NOL10: variants seen among roughly 807,000 people sequenced by gnomAD.
The protein encoded by NOL10 is nucleolar protein 10.
A neutral mutation model predicts 103.5 loss-of-function variants in NOL10; 58 were observed. That is an observed-to-expected ratio of 0.56 (90% CI 0.45 to 0.70). The LOEUF is 0.70. NOL10 is among the 30% of genes least tolerant of loss of function. NOL10 has a pLI of 0.00. For synonymous variants in NOL10, 287 were observed against 282.5 expected (o/e 1.02, Z -0.16); for missense variants, 763 against 807.3 (o/e 0.95, Z 0.67).
rs1558270567 is a variant in NOL10, at chr2:10,587,184, T to TATATATACAC, written c.1844+1849_1844+1858dup. Reference sequence around the variant, plus strand: ...ACATATATACACATATATATACACATATATATACACATATATATACACATA... The same window carrying TATATATACAC: ...ACATATATACACATATATATACACATATATATACACATATATACACATATATATACACATA... On this transcript the variant is annotated intron_variant, in intron 19 of 20. Coordinates refer to ENST00000381685, the MANE Select transcript of NOL10 (RefSeq NM_024894.4). Among the ~76,000 whole-genome samples, 7 of 47,360 alleles carry TATATATACAC rather than the reference T, an allele frequency of 1.5e-4. 2 individuals are homozygous for TATATATACAC. The highest frequency in any genetic ancestry group is 1.0e-3 in the East Asian group (2 of 1,968). The allele number at this position is 47,360 out of a possible 152,430, so 31.1% of individuals were successfully genotyped here.
At chr2:10,588,986 G>A in intron 19 of NOL10, 57 bp downstream of exon 19, 1 of 1,592,912 alleles carries the variant, frequency 6.3e-7, no homozygotes. Flanking sequence ...ATGTGCCAGA[G>A]AGGAAAAGCA....
At chr2:10,625,470 A>G (rs143988118) in intron 13 of NOL10, among the ~76,000 whole-genome samples, 1 of 152,366 alleles carries the variant, frequency 6.6e-6, no homozygotes, top group African/African-American at 2.4e-5. Flanking sequence ...ATGTACAGAC[A>G]TGCAAGAAAC....
intron 17 of NOL10, among the ~76,000 whole-genome samples, chr2:10,598,458 G>T (rs1234538280): frequency 1.3e-5 from 2 of 152,220 alleles, no homozygotes. Context: ...GCTGGCTGTG[G>T]GAATACAGGG....
rs974864952 is a variant in NOL10 at position 10,571,518 on chromosome 2, C to T, written c.*553G>A. On this transcript the variant is annotated 3_prime_UTR_variant, in exon 21 of 21. Transcript: ENST00000381685. Reference sequence around the variant, plus strand: ...GATTTGGGATGCTCTCAACCTGCACCATTAGATTATACTCTCTTGGTATAA... The same window carrying T: ...GATTTGGGATGCTCTCAACCTGCACTATTAGATTATACTCTCTTGGTATAA... 6.6e-6 allele frequency: 1 copy of T among 152,536 alleles called. No homozygotes were observed. The highest frequency in any genetic ancestry group is 2.4e-5 in the African/African-American group (1 of 41,460). The allele number at this position is 152,536 out of a possible 1,614,324, so 9.4% of individuals were successfully genotyped here.
At chr2:10,577,823 G>C in intron 19 of NOL10, 85 bp from the exon 20 acceptor site, 2 of 880,306 alleles carry the variant, frequency 2.3e-6, no homozygotes, top group Non-Finnish European at 1.8e-6. Flanking sequence ...AGAATTGATA[G>C]CGAAGAAAAA....
At chr2:10,588,032 C>T (rs1376938600) in intron 19 of NOL10, among the ~76,000 whole-genome samples, 4 of 152,080 alleles carry the variant, frequency 2.6e-5, no homozygotes, top group Non-Finnish European at 4.4e-5. Flanking sequence ...CTCCTGTGAC[C>T]GTCTATCATA....
intron 19 of NOL10, among the ~76,000 whole-genome samples, chr2:10,586,943 CAAG>C (rs1245747144): frequency 1.4e-5 from 2 of 145,146 alleles, no homozygotes; most frequent in African/African-American, 5.2e-5. Context: ...TCTCAGTCAC[CAAG>C]AAGGTTTAAA....
In NOL10 at chr2:10,657,836, T is replaced by C; in HGVS notation, c.812A>G (p.Tyr271Cys). The change falls in exon 11 of 21, where the codon TAT becomes TGT. Residue 271 changes from tyrosine (Y) to cysteine (C), a missense_variant. Physicochemically the swap from Tyr to Cys is radical, Grantham distance 194 (BLOSUM62 -2). Coordinates refer to ENST00000381685, the MANE Select transcript of NOL10 (RefSeq NM_024894.4). ...ATGAACGGACTTAATGGGCAGCCCA[T>C]ACTGGTGATCTTTAACTAGCAATGG... Reference protein sequence around the residue: ...DKPLLVKDHQYGLPIKSVHFQ... With the variant: ...DKPLLVKDHQCGLPIKSVHFQ... 6.4e-7 allele frequency: 1 copy of C among 1,550,400 alleles called. No homozygotes were observed. Among genetic ancestry groups the C allele is most frequent in the South Asian group, 1.2e-5 (1 of 83,750 alleles).
At chr2:10,585,698 T>C (rs1013844810) in intron 19 of NOL10, among the ~76,000 whole-genome samples, 2 of 152,208 alleles carry the variant, frequency 1.3e-5, no homozygotes, top group Non-Finnish European at 2.9e-5. Context: ...GCTCAAGTTG[T>C]ATAAAATGGT....
chr2:10,664,229 G>A (rs1179486927), intron 8 of NOL10, among the ~76,000 whole-genome samples: 1 of 151,958 alleles, frequency 6.6e-6, no homozygotes, highest in African/African-American at 2.4e-5. Context: ...TCAGGAGTTC[G>A]AGACCAGCCT....
At chr2:10,614,666 T>C (rs7566875) in intron 13 of NOL10, among the ~76,000 whole-genome samples, 89,998 of 152,048 alleles carry the variant, frequency 0.59, 27,652 homozygotes, top group African/African-American at 0.74. Context: ...AGTCAGGGTT[T>C]ACCACAGGGT....
chr2:10,669,455 A>T lies in NOL10; in HGVS notation c.465-732T>A, dbSNP rs190707029. Among the ~76,000 whole-genome samples, 415 of 136,208 alleles carry T rather than the reference A, an allele frequency of 3.0e-3. 1 individual carries two copies. Among genetic ancestry groups the T allele is most frequent in the African/African-American group, 0.011 (373 of 34,118 alleles). The allele number at this position is 136,208 out of a possible 152,430, so 89.4% of individuals were successfully genotyped here. ...GGTATGTATTTGTATATATATATAT[A>T]TTTTTATTTTTTATATATATATATA... is the stretch of plus-strand genomic sequence containing the variant. On this transcript the variant is annotated intron_variant, in intron 6 of 20. Transcript: ENST00000381685.
At position 10,689,787 on chromosome 2, in the gene NOL10, G is replaced by A. The variant is rs1052400059; in HGVS notation, c.66+9C>T. ...AGCTCGAGAGTGAGGGGGCCGGGAA[G>A]TGACTCACCTCAGGAAGGGACTTGC... On this transcript the variant is annotated intron_variant, in intron 1 of 20. Coordinates refer to ENST00000381685, the MANE Select transcript of NOL10 (RefSeq NM_024894.4). The A allele has an allele frequency of 6.3e-7, 1 of 1,599,234 alleles. No homozygotes were observed. Among genetic ancestry groups the A allele is most frequent in the East Asian group, 2.3e-5 (1 of 44,152 alleles).
At chr2:10,578,077 G>A (rs1300536916) in intron 19 of NOL10, among the ~76,000 whole-genome samples, 2 of 152,120 alleles carry the variant, frequency 1.3e-5, no homozygotes, top group Non-Finnish European at 2.9e-5. Context: ...CCTGAAGCCT[G>A]TAATTGATCA....
intron 13 of NOL10, among the ~76,000 whole-genome samples, chr2:10,612,706 G>A (rs890469788): frequency 2.0e-5 from 3 of 152,166 alleles, no homozygotes; most frequent in Middle Eastern, 3.4e-3. Flanking sequence ...GTTTCACCAT[G>A]TTGGCCAGGC....
intron 2 of NOL10, among the ~76,000 whole-genome samples, chr2:10,684,337 T>C (rs963434290): frequency 3.3e-5 from 5 of 150,984 alleles, no homozygotes; most frequent in South Asian, 2.1e-4. Flanking sequence ...TCCCAAAACT[T>C]TGGGAGGCCA....
At chr2:10,686,631 A>G (rs557602007) in intron 1 of NOL10, among the ~76,000 whole-genome samples, 352 of 152,354 alleles carry the variant, frequency 2.3e-3, no homozygotes, top group African/African-American at 8.2e-3. Context: ...CTGCAATTGC[A>G]TAGTCAGGGG....
chr2:10,656,103 AAC>A (rs1341432110), intron 11 of NOL10, among the ~76,000 whole-genome samples: 1 of 152,264 alleles, frequency 6.6e-6, no homozygotes, highest in African/African-American at 2.4e-5. Context: ...CCAGATTGCT[AAC>A]AGTCTTTCCC....
intron 13 of NOL10, among the ~76,000 whole-genome samples, chr2:10,620,139 A>G (rs1335787305): frequency 6.6e-6 from 1 of 152,206 alleles, no homozygotes; most frequent in African/African-American, 2.4e-5. Flanking sequence ...TTAGTAACAC[A>G]GATGGTTTGG....
Sources: allele counts gnomAD v4.1 joint callset (sites outside exome capture counted in the v4.1 genomes callset), GRCh38; gene constraint gnomAD v4.1.1; transcripts MANE v1.5; gene names NCBI Gene and HGNC (gene_info 2026-07-23, HGNC 2026-07-21).